The following XRCC5 variants were observed in gnomAD, a reference collection of about 807,000 sequenced individuals.
XRCC5 encodes the protein DNA repair protein Ku80.
Under a neutral mutation model 95.7 loss-of-function variants are expected in XRCC5, and 12 were observed. The ratio of observed to expected loss-of-function variants is 0.13; its 90% CI spans 0.08 to 0.20. XRCC5 has a LOEUF of 0.20. Among genes scored for constraint, XRCC5 ranks in the 10% least tolerant of loss-of-function variants. The pLI is 1.00. For synonymous variants in XRCC5, 281 were observed against 290.3 expected (o/e 0.97, Z 0.33); for missense variants, 595 against 873.9 (o/e 0.68, Z 4.02).
At chr2:216,187,065 A>G (rs944245005) in intron 16 of XRCC5, among the ~76,000 whole-genome samples, 6 of 152,190 alleles carry the variant, frequency 3.9e-5, no homozygotes, top group African/African-American at 7.2e-5. Flanking sequence ...GTGAACCACA[A>G]AAGTAGTCTG....
chr2:216,173,987 G>C (rs75918644), intron 16 of XRCC5, among the ~76,000 whole-genome samples: 1 of 152,188 alleles, frequency 6.6e-6, no homozygotes, highest in African/African-American at 2.4e-5. Flanking sequence ...GAAATTGTTT[G>C]TAGTTTTCTT....
In XRCC5 at chr2:216,141,211, T is replaced by G. The variant is rs1697164560; in HGVS notation, c.1368T>G (p.Ala456=). The change falls in exon 13 of 21, where the codon GCT becomes GCG. Residue 456 remains alanine (A), a synonymous_variant. Coordinates refer to ENST00000392132, the MANE Select transcript of XRCC5 (RefSeq NM_021141.4). ...AGGCACAGTTGAATGCTGTTGATGC[T>G]TTGATTGACTCCATGAGCTTGGCAA... The part of the protein sequence containing the change: ...PTEAQLNAVD[A]LIDSMSLAKK... 6.2e-7 allele frequency: 1 copy of G among 1,614,156 alleles called. No homozygotes were observed. The highest frequency in any genetic ancestry group is 8.5e-7 in the Non-Finnish European group (1 of 1,180,016).
intron 16 of XRCC5, chr2:216,175,477 G>A: frequency 2.0e-6 from 1 of 496,806 alleles, no homozygotes; most frequent in Non-Finnish European, 4.0e-6. Flanking sequence ...TTAATAGTGT[G>A]GTGTTTCTAA....
chr2:216,143,436 C>T, intron 13 of XRCC5, among the ~76,000 whole-genome samples: 1 of 152,118 alleles, frequency 6.6e-6, no homozygotes. Context: ...TACTATTTTG[C>T]ACACTTATCT....
In XRCC5 at chr2:216,205,474, A is replaced by G. The variant is rs372460581; in HGVS notation, c.*272A>G. On this transcript the variant is annotated 3_prime_UTR_variant, in exon 21 of 21. Coordinates refer to ENST00000392132, the MANE Select transcript of XRCC5 (RefSeq NM_021141.4). ...TCTGTGGTCTTACTGATCTTTGTATATTACATACATGCTTTGAAGTTTCTG... is the reference window on the plus strand; with the variant it reads ...TCTGTGGTCTTACTGATCTTTGTATGTTACATACATGCTTTGAAGTTTCTG... 26 of 480,020 alleles carry G rather than the reference A, an allele frequency of 5.4e-5. No individual in the cohort carries two copies. The highest frequency in any genetic ancestry group is 5.1e-4 in the African/African-American group (26 of 51,064). 29.7% of individuals were successfully genotyped at this position (480,020 alleles called of 1,614,324 possible).
chr2:216,118,237 A>G (rs1240122020), intron 4 of XRCC5, among the ~76,000 whole-genome samples: 3 of 151,724 alleles, frequency 2.0e-5, no homozygotes, highest in African/African-American at 7.3e-5. Flanking sequence ...AGTGGTGCCA[A>G]TATAGCTCAC....
chr2:216,149,857 A>G (rs1332433054), intron 14 of XRCC5, among the ~76,000 whole-genome samples: 1 of 152,108 alleles, frequency 6.6e-6, no homozygotes, highest in African/African-American at 2.4e-5. Context: ...TTGCTCCCAT[A>G]ATGGCTCGCA....
intron 16 of XRCC5, among the ~76,000 whole-genome samples, chr2:216,174,285 A>G (rs1027132738): frequency 3.3e-5 from 5 of 152,206 alleles, no homozygotes; most frequent in Admixed American, 6.5e-5. Flanking sequence ...ACATACAAAT[A>G]TCTCTTCTCT....
intron 14 of XRCC5, among the ~76,000 whole-genome samples, chr2:216,153,006 T>G (rs1688773678): frequency 6.6e-6 from 1 of 152,178 alleles, no homozygotes; most frequent in African/African-American, 2.4e-5. Flanking sequence ...ATAGTCCCCC[T>G]AGCTTCTTCC....
At chr2:216,172,601 T>C (rs1164385379) in intron 16 of XRCC5, among the ~76,000 whole-genome samples, 2 of 151,798 alleles carry the variant, frequency 1.3e-5, no homozygotes, top group African/African-American at 4.8e-5. Context: ...CCTGAGTAGC[T>C]GGGATTACAG....
intron 16 of XRCC5, among the ~76,000 whole-genome samples, chr2:216,187,817 ACACACTCTCTCTCT>A (rs1373795697): frequency 2.0e-4 from 12 of 59,118 alleles, no homozygotes; most frequent in East Asian, 1.5e-3. Context: ...ACACACACAC[ACACACTCTCTCTCT>A]CTCTCTCTCT....
chr2:216,143,209 A>G (rs759639131), intron 13 of XRCC5, among the ~76,000 whole-genome samples: 19 of 152,234 alleles, frequency 1.2e-4, no homozygotes, highest in Admixed American at 3.9e-4. Flanking sequence ...AAGTGGAAAA[A>G]TTGTAAATTG....
intron 10 of XRCC5, among the ~76,000 whole-genome samples, chr2:216,136,270 C>T (rs1697072229): frequency 1.3e-5 from 2 of 150,690 alleles, no homozygotes; most frequent in African/African-American, 2.4e-5. Context: ...GCAGGAAGAT[C>T]GCTTGAACCT....
At chr2:216,204,965 A>T (rs977047152) in intron 20 of XRCC5, among the ~76,000 whole-genome samples, 2 of 152,218 alleles carry the variant, frequency 1.3e-5, no homozygotes, top group Non-Finnish European at 2.9e-5. Context: ...CTGACCAACA[A>T]ACACTACGTA....
At chr2:216,160,975 T>C (rs962941290) in intron 15 of XRCC5, among the ~76,000 whole-genome samples, 28 of 152,140 alleles carry the variant, frequency 1.8e-4, no homozygotes, top group African/African-American at 5.6e-4. Context: ...ATTATAGTCA[T>C]GAGTCACTGC....
At chr2:216,196,048 G>A (rs927560734) in intron 19 of XRCC5, among the ~76,000 whole-genome samples, 21 of 152,186 alleles carry the variant, frequency 1.4e-4, no homozygotes, top group African/African-American at 4.6e-4. Flanking sequence ...TGTTAGGGAA[G>A]TGACAGATGC....
intron 14 of XRCC5, among the ~76,000 whole-genome samples, chr2:216,150,029 G>A (rs1198139627): frequency 1.3e-5 from 2 of 150,562 alleles, no homozygotes; most frequent in Non-Finnish European, 3.0e-5. Context: ...AAGAAGAATG[G>A]TTCAGTCCTT....
At chr2:216,141,577 G>T (rs1415875742) in intron 13 of XRCC5, among the ~76,000 whole-genome samples, 1 of 90,420 alleles carries the variant, frequency 1.1e-5, no homozygotes, top group Non-Finnish European at 2.0e-5. Context: ...CCTGGAAGAA[G>T]CTTACTTTAA....
intron 17 of XRCC5, 59 bp downstream of exon 17, chr2:216,190,393 G>C (rs1689593810): frequency 7.0e-7 from 1 of 1,429,260 alleles, no homozygotes; most frequent in African/African-American, 1.4e-5. Flanking sequence ...CACAGGGAAA[G>C]AGGCATACAG....
Sources: allele counts gnomAD v4.1 joint callset (sites outside exome capture counted in the v4.1 genomes callset), GRCh38; gene constraint gnomAD v4.1.1; transcripts MANE v1.5; gene names NCBI Gene and HGNC (gene_info 2026-07-23, HGNC 2026-07-21).